FAM227B: variants seen among roughly 807,000 people sequenced by gnomAD.
FAM227B encodes family with sequence similarity 227 member B, also known as protein FAM227B.
In FAM227B, 88 loss-of-function variants were observed where a neutral mutation model predicts 73.8. That is an observed-to-expected ratio of 1.19 (90% CI 1.00 to 1.42). The LOEUF is 1.42. FAM227B is among the 40% of genes most tolerant of loss of function. The probability of loss-of-function intolerance (pLI) is 0.00; values close to 1 mark genes in which losing one functional copy is unlikely to be tolerated. For missense variants in FAM227B, 632 were observed against 590.9 expected (o/e 1.07, Z -0.72); for synonymous variants, 210 against 190.5 (o/e 1.10, Z -0.84).
At chr15:49,522,764 A>G (rs949707139) in intron 10 of FAM227B, among the ~76,000 whole-genome samples, 1 of 152,198 alleles carries the variant, frequency 6.6e-6, no homozygotes, top group Non-Finnish European at 1.5e-5. Flanking sequence ...TTAAAATGAA[A>G]GAAGTCTTTA....
intron 5 of FAM227B, among the ~76,000 whole-genome samples, chr15:49,587,809 T>G (rs1426380351): frequency 6.6e-6 from 1 of 152,028 alleles, no homozygotes; most frequent in East Asian, 1.9e-4. Context: ...AAATAACTTG[T>G]AGTTATGTGA....
At chr15:49,506,185 T>C (rs914702659) in intron 11 of FAM227B, among the ~76,000 whole-genome samples, 1 of 151,988 alleles carries the variant, frequency 6.6e-6, no homozygotes, top group Non-Finnish European at 1.5e-5. Context: ...GAGTAATTAA[T>C]AGAACTAAAT....
At chr15:49,610,355 GAAGTA>G in intron 3 of FAM227B, among the ~76,000 whole-genome samples, 1 of 144,582 alleles carries the variant, frequency 6.9e-6, no homozygotes, top group Non-Finnish European at 1.5e-5. Context: ...CCATGTGACT[GAAGTA>G]AACTTTTATG....
chr15:49,401,406 C>T (rs1325896491), intron 11 of FAM227B, among the ~76,000 whole-genome samples: 3 of 151,912 alleles, frequency 2.0e-5, no homozygotes, highest in African/African-American at 7.2e-5. Context: ...GTTGGTGGGA[C>T]TGTAAACTAG....
chr15:49,373,720 T>C (rs892995963), intron 11 of FAM227B, among the ~76,000 whole-genome samples: 1 of 152,134 alleles, frequency 6.6e-6, no homozygotes, highest in Non-Finnish European at 1.5e-5. Flanking sequence ...AGTATGGTTA[T>C]TGCTATCCAC....
chr15:49,476,589 T>C (rs2055341577), intron 11 of FAM227B, among the ~76,000 whole-genome samples: 1 of 134,038 alleles, frequency 7.5e-6, no homozygotes, highest in African/African-American at 3.1e-5. Context: ...ACCAAAGACA[T>C]TTTTAATAGT....
chr15:49,576,754 G>A lies in FAM227B; in HGVS notation c.533C>T (p.Ala178Val), dbSNP rs374910013. ...ATATTTACATACATCAAAATTATGG[G>A]CTTTTAAAATAAAAAGATAAATTTG... ...AEQIYLFILK[A>V]HNFDERVFKI... Residue 178 changes from alanine (A) to valine (V), a missense_variant, in exon 7 of 16, where the codon GCC (alanine) becomes GTC (valine). Physicochemically the swap from Ala to Val is moderately conservative, Grantham distance 64 (BLOSUM62 0). Coordinates refer to ENST00000299338, the MANE Select transcript of FAM227B (RefSeq NM_152647.3). 4.1e-5 allele frequency: 64 copies of A among 1,574,856 alleles called. No homozygotes were observed. Among genetic ancestry groups the A allele is most frequent in the East Asian group, 3.8e-4 (17 of 44,640 alleles).
chr15:49,371,186 C>G (rs536659902), intron 12 of FAM227B, 116 bp downstream of exon 12: 1 of 505,516 alleles, frequency 2.0e-6, no homozygotes, highest in East Asian at 3.3e-5. Flanking sequence ...AATTCTTTTC[C>G]AAAATATATG....
At chr15:49,425,720 A>C (rs1024479141) in intron 11 of FAM227B, among the ~76,000 whole-genome samples, 20 of 151,916 alleles carry the variant, frequency 1.3e-4, no homozygotes, top group African/African-American at 4.8e-4. Flanking sequence ...TATGTTTCCA[A>C]TATGAAAATG....
intron 3 of FAM227B, among the ~76,000 whole-genome samples, chr15:49,596,449 T>C (rs1350988622): frequency 6.6e-6 from 1 of 151,188 alleles, no homozygotes; most frequent in Non-Finnish European, 1.5e-5. Flanking sequence ...AAAGAACTGC[T>C]AAAAGGAGTT....
intron 11 of FAM227B, chr15:49,489,072 G>T (rs1196990771): frequency 6.0e-6 from 1 of 166,902 alleles, no homozygotes; most frequent in African/African-American, 2.4e-5. Context: ...GAAGCCACAG[G>T]TTTGTTTTTT....
chr15:49,409,677 C>T (rs1460628178), intron 11 of FAM227B, among the ~76,000 whole-genome samples: 2 of 152,016 alleles, frequency 1.3e-5, no homozygotes, highest in Non-Finnish European at 2.9e-5. Context: ...AACTATCTCT[C>T]GTTTAACTTT....
chr15:49,545,701 G>A (rs557167614), intron 9 of FAM227B, among the ~76,000 whole-genome samples: 17 of 152,160 alleles, frequency 1.1e-4, no homozygotes, highest in African/African-American at 4.1e-4. Context: ...CAGTATTACT[G>A]TTCAGTTCAA....
intron 11 of FAM227B, among the ~76,000 whole-genome samples, chr15:49,502,408 A>C (rs2058217680): frequency 6.6e-6 from 1 of 152,230 alleles, no homozygotes; most frequent in Non-Finnish European, 1.5e-5. Flanking sequence ...TGTGCCCTAG[A>C]TGTGGGACAT....
chr15:49,375,384 T>G lies in FAM227B; in HGVS notation c.1013-3985A>C, dbSNP rs140124156. 5.6e-3 allele frequency among the ~76,000 whole-genome samples: 855 copies of G among 152,312 alleles called. 7 individuals carry two copies. Among genetic ancestry groups the G allele is most frequent in the African/African-American group, 0.02 (815 of 41,574 alleles). ...TATTATTACTTTATTTTGGCATTTT[T>G]GGGAGTTACTTTTATCCATTATTTC... is the stretch of plus-strand genomic sequence containing the variant. On this transcript the variant is annotated intron_variant, in intron 11 of 15. Transcript: ENST00000299338.
At position 49,541,737 on chromosome 15, in the gene FAM227B, G is replaced by A. The variant is rs575178196; in HGVS notation, c.817C>T (p.Leu273Phe). Reference sequence around the variant, plus strand: ...TCTTCTTTAAATTCATCATTAAAGAGGTAACTCGATTCTGGAAATGCTTCA... The same window carrying A: ...TCTTCTTTAAATTCATCATTAAAGAAGTAACTCGATTCTGGAAATGCTTCA... ...FHEAFPESSY[L>F]FNDEFKEDLG... The change falls in exon 10 of 16, where the codon CTC becomes TTC. Residue 273 changes from leucine to phenylalanine, a missense_variant. Coordinates refer to ENST00000299338, the MANE Select transcript of FAM227B (RefSeq NM_152647.3). The A allele has an allele frequency of 1.3e-6, 2 of 1,544,830 alleles. No individual in the cohort carries two copies. The highest frequency in any genetic ancestry group is 1.7e-6 in the Non-Finnish European group (2 of 1,144,926).
At chr15:49,390,228 A>C (rs566284465) in intron 11 of FAM227B, among the ~76,000 whole-genome samples, 86 of 151,986 alleles carry the variant, frequency 5.7e-4, no homozygotes, top group Non-Finnish European at 1.1e-3. Flanking sequence ...ATTATAAATG[A>C]GATGAAGTCT....
chr15:49,411,208 CATAAT>C (rs2048855048), intron 11 of FAM227B, among the ~76,000 whole-genome samples: 1 of 151,640 alleles, frequency 6.6e-6, no homozygotes, highest in South Asian at 2.1e-4. Context: ...AGGGTAATAG[CATAAT>C]ATAATTTTAT....
chr15:49,544,193 G>A (rs1598066508), intron 9 of FAM227B, among the ~76,000 whole-genome samples: 1 of 152,040 alleles, frequency 6.6e-6, no homozygotes, highest in Non-Finnish European at 1.5e-5. Flanking sequence ...AGTTTTCCTT[G>A]TAGAGGTCTT....
Sources: gnomAD v4.1 joint callset for allele counts (sites outside exome capture counted in the v4.1 genomes callset) on GRCh38, gnomAD v4.1.1 for gene constraint, MANE v1.5 for transcripts, NCBI Gene and HGNC (gene_info 2026-07-23, HGNC 2026-07-21) for gene names.